Variants in PCDHGA3 observed in about 807,000 individuals in gnomAD.
PCDHGA3 encodes protocadherin gamma subfamily A, 3.
PCDHGA3 carries 40 observed loss-of-function variants against 58.5 expected under a neutral mutation model. The observed-to-expected ratio is 0.68, with a 90% confidence interval of 0.53 to 0.89. The LOEUF (loss-of-function observed/expected upper bound fraction) is 0.89. Among genes scored for constraint, PCDHGA3 ranks in the 40% least tolerant of loss-of-function variants. The pLI is 0.00. For synonymous variants in PCDHGA3, 530 were observed against 525.7 expected (o/e 1.01, Z -0.11); for missense variants, 1,223 against 1,195.9 (o/e 1.02, Z -0.33).
Position 141,490,835 on chromosome 5 carries a change from T to C in PCDHGA3, c.2425-3972T>C, listed in dbSNP as rs1284804400. 4 of 1,613,728 alleles carry C rather than the reference T, an allele frequency of 2.5e-6. No individual in the cohort carries two copies. The highest frequency in any genetic ancestry group is 1.1e-5 in the South Asian group (1 of 91,076). On this transcript the variant is annotated intron_variant, in intron 1 of 3. Transcript: ENST00000253812. This position sits in a 1 kb window ranked among gnomAD's most constrained non-coding sequence, Gnocchi z 5.4. ...TATGAATTGCTGCAGATGCTGCAGATTGTGGTGGGGGTTCGAGACTCCGGC... is the reference window on the plus strand; with the variant it reads ...TATGAATTGCTGCAGATGCTGCAGACTGTGGTGGGGGTTCGAGACTCCGGC...
chr5:141,489,775 T>C lies in PCDHGA3; in HGVS notation c.2425-5032T>C, dbSNP rs748163008. The C allele has an allele frequency of 6.2e-7, 1 of 1,614,110 alleles. No homozygotes were observed. The highest frequency in any genetic ancestry group is 8.5e-7 in the Non-Finnish European group (1 of 1,179,986). Reference sequence around the variant, plus strand: ...CACTCTAAGCCCCAACAGCCACTTCTCTCTGAATGTGAAGACCCTAAAAGA... The same window carrying C: ...CACTCTAAGCCCCAACAGCCACTTCCCTCTGAATGTGAAGACCCTAAAAGA... On this transcript the variant is annotated intron_variant, in intron 1 of 3. Coordinates refer to ENST00000253812, the MANE Select transcript of PCDHGA3 (RefSeq NM_018916.4). This position sits in a 1 kb window ranked among gnomAD's most constrained non-coding sequence, Gnocchi z 4.5.
intron 1 of PCDHGA3, chr5:141,393,973 G>T (rs776954838): frequency 4.3e-6 from 7 of 1,613,668 alleles, no homozygotes; most frequent in Non-Finnish European, 5.1e-6. Context: ...TGTTACACAC[G>T]TGATAATTTA....
intron 1 of PCDHGA3, chr5:141,383,242 A>C: frequency 1.9e-6 from 3 of 1,613,970 alleles, no homozygotes; most frequent in Non-Finnish European, 2.5e-6. Flanking sequence ...AGATAAAATG[A>C]ATCTTTACCC....
Position 141,372,614 on chromosome 5 carries a change from C to A in PCDHGA3, c.2424+26157C>A, listed in dbSNP as rs759304946. 6.2e-6 allele frequency: 10 copies of A among 1,613,984 alleles called. No individual in the cohort carries two copies. The South Asian group carries it at 8.8e-5, about 14-fold the overall frequency. On this transcript the variant is annotated intron_variant, in intron 1 of 3. Coordinates refer to ENST00000253812, the MANE Select transcript of PCDHGA3 (RefSeq NM_018916.4). Reference sequence around the variant, plus strand: ...GCTTCAAGACTGTACCTGGAGTTCTCCCCACCTACAGCGAAAGGACTTTGC... The same window carrying A: ...GCTTCAAGACTGTACCTGGAGTTCTACCCACCTACAGCGAAAGGACTTTGC...
intron 1 of PCDHGA3, chr5:141,407,908 G>C (rs1431775491): frequency 2.4e-6 from 1 of 420,166 alleles, no homozygotes; most frequent in Non-Finnish European, 4.2e-6. Flanking sequence ...ATGAAAAACC[G>C]GGCTGCTGTC....
At chr5:141,360,039 CAG>C in intron 1 of PCDHGA3, 1 of 1,415,286 alleles carries the variant, frequency 7.1e-7, no homozygotes, top group Non-Finnish European at 9.3e-7. Context: ...GATTCGGAAA[CAG>C]AAAACAAAAG....
chr5:141,350,121 A>C, intron 1 of PCDHGA3: 1 of 625,990 alleles, frequency 1.6e-6, no homozygotes, highest in Non-Finnish European at 2.4e-6. Context: ...TGTCCGGTGC[A>C]CTGAGCACAG....
At chr5:141,365,935 C>G in intron 1 of PCDHGA3, 2 of 1,614,224 alleles carry the variant, frequency 1.2e-6, no homozygotes, top group Non-Finnish European at 1.7e-6. Context: ...TGACAGCCAG[C>G]GACAGTGGGA....
At chr5:141,464,558 A>G (rs1276921889) in intron 1 of PCDHGA3, among the ~76,000 whole-genome samples, 2 of 152,176 alleles carry the variant, frequency 1.3e-5, no homozygotes, top group Non-Finnish European at 2.9e-5. Context: ...CCCATCTTGC[A>G]TTCCTACAAA....
chr5:141,432,104 C>T lies in PCDHGA3; in HGVS notation c.2425-62703C>T. The stretch of plus-strand genomic sequence containing the variant: ...GAACGTGGCAGACACCAACGACAAC[C>T]CGCCGGTCTTCCCTCAGGCCTCCTA... On this transcript the variant is annotated intron_variant, in intron 1 of 3. Coordinates refer to ENST00000253812, the MANE Select transcript of PCDHGA3 (RefSeq NM_018916.4). This position sits in a 1 kb window ranked among gnomAD's most constrained non-coding sequence, Gnocchi z 6.0. 1 of 1,614,204 alleles carries T rather than the reference C, an allele frequency of 6.2e-7. No individual in the cohort carries two copies. The highest frequency in any genetic ancestry group is 1.7e-5 in the Admixed American group (1 of 60,026).
intron 1 of PCDHGA3, among the ~76,000 whole-genome samples, chr5:141,468,791 G>A (rs941787269): frequency 2.6e-5 from 4 of 151,954 alleles, no homozygotes; most frequent in East Asian, 3.9e-4. Context: ...GCGTGAACCC[G>A]GGAGGCGGAA....
At chr5:141,359,553 C>G (rs954176104) in intron 1 of PCDHGA3, among the ~76,000 whole-genome samples, 1 of 150,936 alleles carries the variant, frequency 6.6e-6, no homozygotes, top group Non-Finnish European at 1.5e-5. Flanking sequence ...TAGGAAAGCT[C>G]TCTATGTACT....
chr5:141,439,652 T>G (rs1047430832), intron 1 of PCDHGA3, among the ~76,000 whole-genome samples: 1 of 152,208 alleles, frequency 6.6e-6, no homozygotes, highest in African/African-American at 2.4e-5. Context: ...GTGGCTTTTC[T>G]AATTTCATGG....
At chr5:141,347,455 T>C (rs1561493886) in intron 1 of PCDHGA3, among the ~76,000 whole-genome samples, 1 of 152,040 alleles carries the variant, frequency 6.6e-6, no homozygotes, top group Admixed American at 6.6e-5. Flanking sequence ...ATGCCTGGCC[T>C]GTTATTCTTT....
At chr5:141,467,901 C>T (rs1484485803) in intron 1 of PCDHGA3, among the ~76,000 whole-genome samples, 7 of 152,034 alleles carry the variant, frequency 4.6e-5, no homozygotes, top group Admixed American at 1.3e-4. Flanking sequence ...TCAAGAAATC[C>T]GCCCACCTCA....
Position 141,477,289 on chromosome 5 carries a change from T to G in PCDHGA3, c.2425-17518T>G, listed in dbSNP as rs759477848. On this transcript the variant is annotated intron_variant, in intron 1 of 3. Coordinates refer to ENST00000253812, the MANE Select transcript of PCDHGA3 (RefSeq NM_018916.4). The surrounding 1 kb of genome is among the most constrained non-coding windows in gnomAD (Gnocchi z 4.9). ...AGAACGGGCTGGTGACCTGCGAAGT[T>G]CCACCGGGTCTCCCTTTCAGCCTTA... The G allele has an allele frequency of 3.2e-5, 52 of 1,614,046 alleles. No individual in the cohort carries two copies. Among genetic ancestry groups the G allele is most frequent in the Non-Finnish European group, 4.2e-5 (50 of 1,180,040 alleles).
Position 141,393,179 on chromosome 5 carries a change from A to T in PCDHGA3, c.2424+46722A>T, listed in dbSNP as rs375085176. 8.7e-6 allele frequency: 14 copies of T among 1,613,202 alleles called. 2 individuals are homozygous for T. In the East Asian group the frequency reaches 2.5e-4, roughly 28 times the overall value. ...GAAAACTCTTTGGGGTAGAAATAGA[A>T]ATAATTGATATTAACGATAATAACC... On this transcript the variant is annotated intron_variant, in intron 1 of 3. Coordinates refer to ENST00000253812, the MANE Select transcript of PCDHGA3 (RefSeq NM_018916.4).
chr5:141,386,534 T>A (rs1561611722), intron 1 of PCDHGA3, among the ~76,000 whole-genome samples: 1 of 151,950 alleles, frequency 6.6e-6, no homozygotes, highest in African/African-American at 2.4e-5. Context: ...CTTTTTAGAC[T>A]AGTGTTGTAT....
intron 1 of PCDHGA3, chr5:141,427,753 T>A (rs745532152): frequency 4.5e-6 from 6 of 1,322,510 alleles, no homozygotes; most frequent in Non-Finnish European, 6.4e-6. Flanking sequence ...TACTCCATCG[T>A]TACCACTGAC....
Sources: gnomAD v4.1 joint callset for allele counts (sites outside exome capture counted in the v4.1 genomes callset) on GRCh38, gnomAD v4.1.1 for gene constraint, Gnocchi (gnomAD v3.1) non-coding constraint, MANE v1.5 for transcripts, NCBI Gene and HGNC (gene_info 2026-07-23, HGNC 2026-07-21) for gene names.